The following CD5L variants were observed in gnomAD, a reference collection of about 807,000 sequenced individuals.
CD5L encodes CD5 antigen-like.
A neutral mutation model predicts 40.8 loss-of-function variants in CD5L; 39 were observed. The observed-to-expected ratio is 0.96, with a 90% CI of 0.74 to 1.25. The LOEUF is 1.25. Ranked by LOEUF, CD5L falls within the 50% of genes most tolerant of loss-of-function variation. The probability of loss-of-function intolerance (pLI) is 0.00; values close to 1 mark genes in which losing one functional copy is unlikely to be tolerated. For missense variants in CD5L, 433 were observed against 435.9 expected (o/e 0.99, Z 0.06); for synonymous variants, 192 against 169.6 (o/e 1.13, Z -1.03).
At chr1:157,840,334 T>C (rs1320110053) in intron 1 of CD5L, among the ~76,000 whole-genome samples, 1 of 152,056 alleles carries the variant, frequency 6.6e-6, no homozygotes, top group African/African-American at 2.4e-5. Flanking sequence ...CCCTGTAACC[T>C]CCAGGAGTCC....
rs1212761988 is a variant in CD5L at position 157,836,028 on chromosome 1, C to T, written c.183G>A (p.Leu61=). The stretch of plus-strand genomic sequence containing the variant: ...CAGCTCCACAGCCCAGCTCCCGGCA[C>T]AACACAGCCACGTCCTTAATGTCCC... The part of the protein sequence containing the change: ...DGWDIKDVAV[L]CRELGCGAAS... The change falls in exon 3 of 6, where the codon TTG becomes TTA. Residue 61 remains leucine (L), a synonymous_variant. Transcript: ENST00000368174. The T allele has an allele frequency of 2.5e-6, 4 of 1,614,102 alleles. No homozygotes were observed. In the African/African-American group the frequency reaches 4.0e-5, roughly 16 times the overall value.
At chr1:157,835,737 C>T in intron 3 of CD5L, 98 bp downstream of exon 3, 1 of 969,974 alleles carries the variant, frequency 1.0e-6, no homozygotes, top group Non-Finnish European at 1.6e-6. Flanking sequence ...GCCAATTAGC[C>T]ATTGTGTGAA....
intron 1 of CD5L, among the ~76,000 whole-genome samples, chr1:157,840,632 C>G (rs748971282): frequency 5.3e-5 from 8 of 152,116 alleles, no homozygotes; most frequent in Non-Finnish European, 8.8e-5. Flanking sequence ...TTGCATAACC[C>G]CAACCCAACA....
downstream of CD5L, among the ~76,000 whole-genome samples, chr1:157,827,721 AAT>A (rs1655941408): frequency 6.6e-6 from 1 of 152,196 alleles, no homozygotes; most frequent in Non-Finnish European, 1.5e-5. Flanking sequence ...GGTTTAACCA[AAT>A]ATATGGATGC....
chr1:157,841,499 G>A (rs903631427), intron 1 of CD5L, among the ~76,000 whole-genome samples, 175 bp downstream of exon 1: 2 of 152,234 alleles, frequency 1.3e-5, no homozygotes, highest in Non-Finnish European at 2.9e-5. Flanking sequence ...AATTACAAAT[G>A]TGTATGGATT....
At chr1:157,827,313 T>TGTGTG (rs1655927431), downstream of CD5L, among the ~76,000 whole-genome samples, 1 of 148,446 alleles carries the variant, frequency 6.7e-6, no homozygotes, top group African/African-American at 2.5e-5. Flanking sequence ...TGTGTGTGTG[T>TGTGTG]TATAATGTAT....
intron 3 of CD5L, 48 bp from the exon 4 acceptor site, chr1:157,834,796 C>CT: frequency 6.6e-7 from 1 of 1,507,260 alleles, no homozygotes; most frequent in Non-Finnish European, 9.2e-7. Flanking sequence ...AGAACATGGT[C>CT]TTCTCAGTAA....
chr1:157,832,896 ATGT>A (rs1484804790), intron 5 of CD5L, among the ~76,000 whole-genome samples: 2 of 152,184 alleles, frequency 1.3e-5, no homozygotes, highest in Admixed American at 6.5e-5. Flanking sequence ...TAATATAAAA[ATGT>A]TGGTGAAATA....
chr1:157,834,048 G>T (rs898598579), intron 4 of CD5L, among the ~76,000 whole-genome samples: 3 of 152,000 alleles, frequency 2.0e-5, no homozygotes, highest in Admixed American at 1.3e-4. Flanking sequence ...CTCTCACAAA[G>T]ATATTTTCAC....
At position 157,831,536 on chromosome 1, in the gene CD5L, A is replaced by G; in HGVS notation, c.*428T>C. On this transcript the variant is annotated 3_prime_UTR_variant, in exon 6 of 6. Transcript: ENST00000368174. Reference sequence around the variant, plus strand: ...ACATTTTCTTTCAAATGTTCCTTTCATTGTTTCATTCCTTTAATGTTTGCA... The same window carrying G: ...ACATTTTCTTTCAAATGTTCCTTTCGTTGTTTCATTCCTTTAATGTTTGCA... 3 of 995,254 alleles carry G rather than the reference A, an allele frequency of 3.0e-6. No individual in the cohort carries two copies. In the African/African-American group the frequency reaches 5.2e-5, roughly 17 times the overall value. 61.7% of individuals were successfully genotyped at this position (995,254 alleles called of 1,614,324 possible). A position where few individuals can be genotyped will look rare whatever the true frequency, so the allele number is the denominator to read the frequency against.
rs755616570 is a variant in CD5L, at chr1:157,841,767, T to C, written c.-66A>G. Reference sequence around the variant, plus strand: ...AGAAGGAGGTCCCCAAGCAGCAATATTTAGTTTTAGCTGCAAGTATGTTAA... The same window carrying C: ...AGAAGGAGGTCCCCAAGCAGCAATACTTAGTTTTAGCTGCAAGTATGTTAA... On this transcript the variant is annotated 5_prime_UTR_variant, in exon 1 of 6. Coordinates refer to ENST00000368174, the MANE Select transcript of CD5L (RefSeq NM_005894.3). 54 of 1,411,136 alleles carry C rather than the reference T, an allele frequency of 3.8e-5. No individual in the cohort carries two copies. The highest frequency in any genetic ancestry group is 1.7e-4 in the Middle Eastern group (1 of 5,720). 87.4% of individuals were successfully genotyped at this position (1,411,136 alleles called of 1,614,324 possible).
chr1:157,834,340 T>C (rs994866587), intron 4 of CD5L, 67 bp downstream of exon 4: 11 of 1,316,506 alleles, frequency 8.4e-6, no homozygotes, highest in Non-Finnish European at 1.2e-5. Flanking sequence ...TTGTAAATAC[T>C]GTTTGAATGA....
At position 157,836,050 on chromosome 1, in the gene CD5L, T is replaced by TCCCA. The variant is rs747352811; in HGVS notation, c.157_160dup (p.Asp54ValfsTer4). Reference sequence around the variant, plus strand: ...GCACAACACAGCCACGTCCTTAATGTCCCAGCCGTCATCACACACGGTGCC... The same window carrying TCCCA: ...GCACAACACAGCCACGTCCTTAATGTCCCACCCAGCCGTCATCACACACGGTGCC... On this transcript the variant is annotated frameshift_variant, in exon 3 of 6. Transcript: ENST00000368174. LOFTEE classifies it high-confidence loss of function. The TCCCA allele has an allele frequency of 3.1e-6, 5 of 1,614,108 alleles. No individual in the cohort carries two copies. The Admixed American group carries it at 8.3e-5, about 27-fold the overall frequency.
Position 157,836,098 on chromosome 1 carries a change from T to C in CD5L, c.113A>G (p.Glu38Gly). 6.2e-7 allele frequency: 1 copy of C among 1,613,926 alleles called. No homozygotes were observed. The highest frequency in any genetic ancestry group is 1.1e-5 in the South Asian group (1 of 91,070). ...GCCCCACTGGCCTTTCTGTTCCACC[T>C]CCACCCGCCCTTCACAGCGGTGGAG... ...GGLHRCEGRV[E>G]VEQKGQWGTV... The change falls in exon 3 of 6, where the codon GAG (glutamate) becomes GGG (glycine). Residue 38 changes from glutamate (E) to glycine (G), a missense_variant. By Grantham distance (98) the Glu-to-Gly change is moderately conservative (BLOSUM62 -2). Coordinates refer to ENST00000368174, the MANE Select transcript of CD5L (RefSeq NM_005894.3).
At chr1:157,841,041 AAT>A (rs1656356852) in intron 1 of CD5L, among the ~76,000 whole-genome samples, 1 of 152,166 alleles carries the variant, frequency 6.6e-6, no homozygotes, top group African/African-American at 2.4e-5. Flanking sequence ...TATAAAAAAA[AAT>A]ACTCCTAAAA....
At chr1:157,838,036 A>G (rs1427417767) in intron 2 of CD5L, among the ~76,000 whole-genome samples, 1 of 152,034 alleles carries the variant, frequency 6.6e-6, no homozygotes, top group Non-Finnish European at 1.5e-5. Flanking sequence ...TTCGCCTCCC[A>G]AAGTGCTGGG....
At position 157,834,606 on chromosome 1, in the gene CD5L, C is replaced by T. The variant is rs527548119; in HGVS notation, c.519G>A (p.Lys173=). 2.1e-4 allele frequency: 335 copies of T among 1,614,210 alleles called. 2 individuals carry two copies. In the South Asian group the frequency reaches 3.0e-3, roughly 14 times the overall value. ...CACATCCCAGCTGCCGGCACACCAC[C>T]TTTGCGGCCCGGAGGCTCCAGCCTG... The part of the protein sequence containing the change: ...CQTGWSLRAA[K]VVCRQLGCGR... Residue 173 remains lysine (K), a synonymous_variant, in exon 4 of 6, where the codon AAG becomes AAA. Transcript: ENST00000368174.
chr1:157,832,653 T>C (rs897589579), intron 5 of CD5L, among the ~76,000 whole-genome samples: 4 of 152,180 alleles, frequency 2.6e-5, no homozygotes, highest in African/African-American at 9.6e-5. Context: ...CTCCCTACTG[T>C]AGTCCCACTC....
intron 2 of CD5L, among the ~76,000 whole-genome samples, chr1:157,837,942 AT>A (rs1188040632): frequency 4.6e-5 from 7 of 151,692 alleles, no homozygotes; most frequent in African/African-American, 1.5e-4. Context: ...CACCTGGCTA[AT>A]TTTTTTGTAT....
Sources: gnomAD v4.1 joint callset for allele counts (sites outside exome capture counted in the v4.1 genomes callset) on GRCh38, gnomAD v4.1.1 for gene constraint, MANE v1.5 for transcripts, NCBI Gene and HGNC (gene_info 2026-07-23, HGNC 2026-07-21) for gene names.